JARID2: variants seen among roughly 807,000 people sequenced by gnomAD.
JARID2 encodes protein Jumonji.
Under a neutral mutation model 125.6 loss-of-function variants are expected in JARID2, and 21 were observed. The observed-to-expected ratio is 0.17, with a 90% confidence interval of 0.12 to 0.24. JARID2 has a LOEUF of 0.24. Ranked by LOEUF, JARID2 falls within the 10% of genes least tolerant of loss-of-function variation. JARID2 has a pLI of 1.00. For missense variants in JARID2, 1,303 were observed against 1,639.6 expected (o/e 0.79, Z 3.55); for synonymous variants, 736 against 661.6 (o/e 1.11, Z -1.73).
intron 1 of JARID2, among the ~76,000 whole-genome samples, chr6:15,331,965 T>C (rs538435724): frequency 1.3e-5 from 2 of 152,204 alleles, no homozygotes; most frequent in Non-Finnish European, 2.9e-5. Flanking sequence ...CCTTCCGGAC[T>C]GTATTGTTCT....
chr6:15,382,399 G>T (rs968218062), intron 2 of JARID2, among the ~76,000 whole-genome samples: 1 of 152,332 alleles, frequency 6.6e-6, no homozygotes, highest in African/African-American at 2.4e-5. Flanking sequence ...GGTCTTGAAA[G>T]ATGCGAGAGA....
chr6:15,381,161 G>A (rs1371360830), intron 2 of JARID2, among the ~76,000 whole-genome samples: 3 of 151,328 alleles, frequency 2.0e-5, no homozygotes, highest in Non-Finnish European at 4.4e-5. Context: ...AGACCATCCT[G>A]GCTAACATGG....
chr6:15,332,001 T>G (rs1316974130), intron 1 of JARID2, among the ~76,000 whole-genome samples: 1 of 152,192 alleles, frequency 6.6e-6, no homozygotes, highest in Non-Finnish European at 1.5e-5. Context: ...GCACACCTGC[T>G]AAGCCAGTCC....
Position 15,413,000 on chromosome 6 carries a change from G to GTGTTTT in JARID2, c.323+2643_323+2648dup, listed in dbSNP as rs1196179984. On this transcript the variant is annotated intron_variant, in intron 3 of 17. Transcript: ENST00000341776. ...GAAACATTATACATGGGAAGAGCTT[G>GTGTTTT]TGTTTTTGTTTTTTTTTTTTTTGTT... Among the ~76,000 whole-genome samples, 18 of 65,018 alleles carry GTGTTTT rather than the reference G, an allele frequency of 2.8e-4. 1 individual carries two copies. In the South Asian group the frequency reaches 3.0e-3, roughly 11 times the overall value. The allele number at this position is 65,018 out of a possible 152,430, so 42.7% of individuals were successfully genotyped here. A position where few individuals can be genotyped will look rare whatever the true frequency, so the allele number is the denominator to read the frequency against.
At chr6:15,411,535 G>C (rs1323329916) in intron 3 of JARID2, among the ~76,000 whole-genome samples, 1 of 152,178 alleles carries the variant, frequency 6.6e-6, no homozygotes, top group Non-Finnish European at 1.5e-5. Context: ...ATCTTCCCGT[G>C]TACTGAGCTT....
At chr6:15,478,442 A>G (rs547064450) in intron 5 of JARID2, among the ~76,000 whole-genome samples, 59 of 152,038 alleles carry the variant, frequency 3.9e-4, no homozygotes, top group African/African-American at 1.4e-3. Context: ...TTTTCGTGCT[A>G]ATGTTTTTAC....
At chr6:15,323,778 C>G (rs1012601240) in intron 1 of JARID2, among the ~76,000 whole-genome samples, 1 of 152,016 alleles carries the variant, frequency 6.6e-6, no homozygotes, top group African/African-American at 2.4e-5. Flanking sequence ...GCCTGTAATC[C>G]CAGCTACTCT....
intron 6 of JARID2, among the ~76,000 whole-genome samples, chr6:15,494,940 T>C (rs1212805095): frequency 1.3e-5 from 2 of 152,282 alleles, no homozygotes; most frequent in Middle Eastern, 3.4e-3. Flanking sequence ...TCTCGGGCTG[T>C]TGGGGAGAAG....
chr6:15,274,786 C>T (rs1020637394), intron 1 of JARID2, among the ~76,000 whole-genome samples: 2 of 152,126 alleles, frequency 1.3e-5, no homozygotes, highest in Non-Finnish European at 2.9e-5. Flanking sequence ...ATCCACTCCC[C>T]CTTTCCCAGT....
At chr6:15,350,245 A>G (rs80346633) in intron 1 of JARID2, among the ~76,000 whole-genome samples, 3,519 of 152,258 alleles carry the variant, frequency 0.023, 140 homozygotes, top group African/African-American at 0.08. Context: ...ATCATGATCA[A>G]TAAGATCTAA....
Position 15,410,295 on chromosome 6 carries a change from G to A in JARID2, c.253G>A (p.Ala85Thr). 6.2e-7 allele frequency: 1 copy of A among 1,613,982 alleles called. No homozygotes were observed. The highest frequency in any genetic ancestry group is 8.5e-7 in the Non-Finnish European group (1 of 1,179,834). The change falls in exon 3 of 18, where the codon GCA (alanine) becomes ACA (threonine). Residue 85 changes from alanine to threonine, a missense_variant. Physicochemically the swap from Ala to Thr is moderately conservative, Grantham distance 58 (BLOSUM62 0). Transcript: ENST00000341776. ...ACAGTCAGAGAATGAAAAGGACGAT[G>A]CATCCCAAGTGTCCTCCACTAGCAA... ...SEQSENEKDD[A>T]SQVSSTSNDV...
At position 15,417,120 on chromosome 6, in the gene JARID2, G is replaced by A. The variant is rs1412605980; in HGVS notation, c.323+6755G>A. Among the ~76,000 whole-genome samples, 3 of 152,194 alleles carry A rather than the reference G, an allele frequency of 2.0e-5. No individual in the cohort carries two copies. The East Asian group carries it at 5.8e-4, about 29-fold the overall frequency. On this transcript the variant is annotated intron_variant, in intron 3 of 17. Coordinates refer to ENST00000341776, the MANE Select transcript of JARID2 (RefSeq NM_004973.4). ...TCTGAGTTGGCGACTAAAATAGAGA[G>A]CAAGATTAACTGTTTATTTTTATCT... is the stretch of plus-strand genomic sequence containing the variant.
At chr6:15,354,064 TATCTAAGTAAAAGGG>T (rs1207304591) in intron 1 of JARID2, among the ~76,000 whole-genome samples, 1 of 152,192 alleles carries the variant, frequency 6.6e-6, no homozygotes, top group Non-Finnish European at 1.5e-5. Flanking sequence ...TTCACAGGTG[TATCTAAGTAAAAGGG>T]ATTTTGCAGC....
At chr6:15,250,708 A>G (rs1759412395) in intron 1 of JARID2, among the ~76,000 whole-genome samples, 1 of 152,210 alleles carries the variant, frequency 6.6e-6, no homozygotes, top group South Asian at 2.1e-4. Context: ...CAAATAGACA[A>G]CTAGAATTAT....
chr6:15,492,246 T>C (rs1048364591), intron 6 of JARID2, among the ~76,000 whole-genome samples: 26 of 152,212 alleles, frequency 1.7e-4, no homozygotes, highest in East Asian at 1.9e-4. Context: ...CAAGCACTTA[T>C]GTATAAAGCT....
At chr6:15,510,258 C>T (rs757908885) in intron 12 of JARID2, among the ~76,000 whole-genome samples, 2 of 152,114 alleles carry the variant, frequency 1.3e-5, no homozygotes, top group Non-Finnish European at 2.9e-5. Flanking sequence ...CCTCCTCTTG[C>T]CTGGGGAGGA....
At chr6:15,465,311 G>C (rs773740755) in intron 4 of JARID2, among the ~76,000 whole-genome samples, 2 of 152,098 alleles carry the variant, frequency 1.3e-5, no homozygotes, top group African/African-American at 4.8e-5. Context: ...AAATTATCTG[G>C]GTTTGGTGGT....
chr6:15,506,676 A>G (rs1443462994), intron 9 of JARID2, among the ~76,000 whole-genome samples: 1 of 152,156 alleles, frequency 6.6e-6, no homozygotes, highest in Admixed American at 6.5e-5. Context: ...CTTTGCCCCC[A>G]TATTTGTTTA....
intron 1 of JARID2, chr6:15,247,397 G>A (rs200009269): frequency 1.0e-6 from 1 of 974,228 alleles, no homozygotes; most frequent in Admixed American, 6.2e-5. Context: ...TTGGCATGGG[G>A]AGTGTTTTTG....
Sources: allele counts gnomAD v4.1 joint callset (sites outside exome capture counted in the v4.1 genomes callset), GRCh38; gene constraint gnomAD v4.1.1; transcripts MANE v1.5; gene names NCBI Gene and HGNC (gene_info 2026-07-23, HGNC 2026-07-21).